The following DNAAF4 variants were observed in gnomAD, a reference collection of about 807,000 sequenced individuals.
The protein encoded by DNAAF4 is dynein axonemal assembly factor 4, also known as dynein assembly factor 4, axonemal.
Under a neutral mutation model 51.8 loss-of-function variants are expected in DNAAF4, and 43 were observed. The observed-to-expected ratio is 0.83, with a 90% CI of 0.65 to 1.07. The LOEUF is 1.07. Ranked by LOEUF, DNAAF4 falls within the 50% of genes least tolerant of loss-of-function variation. DNAAF4 has a pLI of 0.00. For synonymous variants in DNAAF4, 194 were observed against 165.6 expected (o/e 1.17, Z -1.32); for missense variants, 581 against 493.0 (o/e 1.18, Z -1.69).
chr15:55,433,552 G>A (rs1260297152), intron 8 of DNAAF4, among the ~76,000 whole-genome samples: 12 of 148,328 alleles, frequency 8.1e-5, no homozygotes, highest in Non-Finnish European at 1.6e-4. Context: ...CGTGAACCGG[G>A]GAGGCGGAGC....
intron 4 of DNAAF4, among the ~76,000 whole-genome samples, chr15:55,480,222 C>T (rs565314996): frequency 2.6e-5 from 4 of 152,098 alleles, no homozygotes; most frequent in Non-Finnish European, 2.9e-5. Context: ...ATGTCACCCC[C>T]GATGGCCCAG....
At position 55,491,092 on chromosome 15, in the gene DNAAF4, T is replaced by A. The variant is rs1456757953; in HGVS notation, c.405+31A>T. On this transcript the variant is annotated intron_variant, in intron 4 of 9. Coordinates refer to ENST00000321149, the MANE Select transcript of DNAAF4 (RefSeq NM_130810.4). ...CTCACATAGTCTACTATTATCTCTT[T>A]AGAGGACTTGCCTGTCATTCTGCAA... 2.5e-6 allele frequency: 4 copies of A among 1,613,590 alleles called. 1 individual carries two copies. The South Asian group carries it at 4.4e-5, about 18-fold the overall frequency.
rs190984817 is a variant in DNAAF4, at chr15:55,470,242, G to A, written c.406-3081C>T. On this transcript the variant is annotated intron_variant, in intron 4 of 9. Coordinates refer to ENST00000321149, the MANE Select transcript of DNAAF4 (RefSeq NM_130810.4). The stretch of plus-strand genomic sequence containing the variant: ...AATTTTTGTATTTTTAGTAGAGACA[G>A]GGTTTCACCATGTTGGCCAGGCTGA... 7.4e-3 allele frequency among the ~76,000 whole-genome samples: 1,119 copies of A among 152,122 alleles called. 11 individuals carry two copies. Among genetic ancestry groups the A allele is most frequent in the Admixed American group, 9.8e-3 (149 of 15,276 alleles).
At chr15:55,443,051 C>T (rs1363215741) in intron 6 of DNAAF4, 7 of 1,611,036 alleles carry the variant, frequency 4.3e-6, no homozygotes, top group Non-Finnish European at 5.1e-6. Flanking sequence ...ACTTGTTCTT[C>T]TTTCATAAGC....
At chr15:55,501,535 C>G (rs1157252420) in intron 1 of DNAAF4, among the ~76,000 whole-genome samples, 2 of 150,684 alleles carry the variant, frequency 1.3e-5, no homozygotes, top group Admixed American at 1.3e-4. Context: ...GCCACCGCAT[C>G]CGGCTGATTT....
intron 7 of DNAAF4, among the ~76,000 whole-genome samples, chr15:55,437,887 A>T (rs375670780): frequency 1.8e-4 from 28 of 152,318 alleles, no homozygotes; most frequent in African/African-American, 6.3e-4. Flanking sequence ...TTACAGAACT[A>T]TAAGATAATA....
At position 55,431,786 on chromosome 15, in the gene DNAAF4, AT is replaced by A. The variant is rs58921233; in HGVS notation, c.1153+710del. Among the ~76,000 whole-genome samples the A allele has an allele frequency of 2.4e-3, 345 of 143,742 alleles. 2 individuals are homozygous for A. In the East Asian group the frequency reaches 0.028, roughly 12 times the overall value. The allele number at this position is 143,742 out of a possible 152,430, so 94.3% of individuals were successfully genotyped here. A position where few individuals can be genotyped will look rare whatever the true frequency, so the allele number is the denominator to read the frequency against. On this transcript the variant is annotated intron_variant, in intron 9 of 9. Transcript: ENST00000321149. The stretch of plus-strand genomic sequence containing the variant: ...AGCCACCACACCCAGCCTATCATGT[AT>A]TTTTTTTTTTTAAGAGACAGGGTCT...
At chr15:55,468,865 T>A (rs1162171975) in intron 4 of DNAAF4, among the ~76,000 whole-genome samples, 4 of 152,152 alleles carry the variant, frequency 2.6e-5, no homozygotes, top group Non-Finnish European at 5.9e-5. Context: ...TAAGCTATAT[T>A]AGAGACAGAA....
At chr15:55,504,711 T>G (rs189547308) in intron 1 of DNAAF4, among the ~76,000 whole-genome samples, 4 of 152,300 alleles carry the variant, frequency 2.6e-5, no homozygotes, top group African/African-American at 9.6e-5. Flanking sequence ...GAAAACTGTC[T>G]AGCCATATGT....
chr15:55,420,949 G>T (rs1362687102), intron 7 of DNAAF4, among the ~76,000 whole-genome samples: 2 of 152,054 alleles, frequency 1.3e-5, no homozygotes, highest in Non-Finnish European at 2.9e-5. Flanking sequence ...AGCATTTTGG[G>T]AGGCCGAGAC....
intron 6 of DNAAF4, among the ~76,000 whole-genome samples, chr15:55,440,051 A>C (rs574712797): frequency 4.0e-5 from 6 of 151,846 alleles, no homozygotes; most frequent in African/African-American, 1.4e-4. Context: ...TTAACGTACT[A>C]CTTGATGGTG....
At chr15:55,445,665 C>G (rs1280177330) in intron 6 of DNAAF4, among the ~76,000 whole-genome samples, 1 of 150,294 alleles carries the variant, frequency 6.7e-6, no homozygotes, top group Non-Finnish European at 1.5e-5. Flanking sequence ...GACGGGGTGG[C>G]CAGGCAGAGG....
intron 9 of DNAAF4, among the ~76,000 whole-genome samples, chr15:55,431,189 A>G (rs189203018): frequency 6.6e-6 from 1 of 152,266 alleles, no homozygotes; most frequent in African/African-American, 2.4e-5. Flanking sequence ...CTGGGATTAC[A>G]GGTGTGAGCC....
intron 4 of DNAAF4, among the ~76,000 whole-genome samples, chr15:55,480,798 A>G (rs1466764872): frequency 6.6e-6 from 1 of 152,196 alleles, no homozygotes; most frequent in East Asian, 1.9e-4. Context: ...AAAATCAGGT[A>G]GACTCTTTGG....
chr15:55,478,823 T>A (rs1386133189), intron 4 of DNAAF4, among the ~76,000 whole-genome samples: 1 of 152,102 alleles, frequency 6.6e-6, no homozygotes, highest in Admixed American at 6.6e-5. Context: ...GGGCCCAATA[T>A]CGATGCACAC....
intron 4 of DNAAF4, among the ~76,000 whole-genome samples, chr15:55,482,637 C>G (rs2058428122): frequency 1.3e-5 from 2 of 152,096 alleles, no homozygotes; most frequent in African/African-American, 4.8e-5. Context: ...TGAGATCATG[C>G]CATTGCACTC....
At chr15:55,443,944 C>T (rs1233359585) in intron 6 of DNAAF4, among the ~76,000 whole-genome samples, 7 of 152,034 alleles carry the variant, frequency 4.6e-5, no homozygotes, top group South Asian at 4.2e-4. Context: ...TGGATATTAG[C>T]CCTTCGTCAG....
At chr15:55,503,263 T>C (rs1394786004) in intron 1 of DNAAF4, among the ~76,000 whole-genome samples, 2 of 152,208 alleles carry the variant, frequency 1.3e-5, no homozygotes, top group Non-Finnish European at 2.9e-5. Flanking sequence ...TAACAGGCTC[T>C]GCAATTGAAG....
chr15:55,461,530 G>C (rs2141490065), intron 5 of DNAAF4, among the ~76,000 whole-genome samples: 1 of 152,266 alleles, frequency 6.6e-6, no homozygotes, highest in Non-Finnish European at 1.5e-5. Flanking sequence ...ACCTGCCCCT[G>C]AATGATCTTT....
Sources: gnomAD v4.1 joint callset for allele counts (sites outside exome capture counted in the v4.1 genomes callset) on GRCh38, gnomAD v4.1.1 for gene constraint, MANE v1.5 for transcripts, NCBI Gene and HGNC (gene_info 2026-07-23, HGNC 2026-07-21) for gene names.